The following MACROD2 variants were observed in gnomAD, a reference collection of about 807,000 sequenced individuals.
MACROD2 encodes the protein mono-ADP ribosylhydrolase 2.
MACROD2 carries 36 observed loss-of-function variants against 70.4 expected under a neutral mutation model. The ratio of observed to expected loss-of-function variants is 0.51; its 90% CI spans 0.39 to 0.68. MACROD2 has a LOEUF of 0.68. Ranked by LOEUF, MACROD2 falls within the 30% of genes least tolerant of loss-of-function variation. MACROD2 has a pLI of 0.00. For synonymous variants in MACROD2, 172 were observed against 178.8 expected, an observed-to-expected ratio of 0.96 and a Z score of 0.30; for missense variants, 496 against 538.4, an observed-to-expected ratio of 0.92 and a Z score of 0.78.
intron 5 of MACROD2, among the ~76,000 whole-genome samples, chr20:15,005,034 T>A (rs2075025022): frequency 6.6e-6 from 1 of 152,220 alleles, no homozygotes; most frequent in Non-Finnish European, 1.5e-5. Flanking sequence ...AATGTATTCA[T>A]TAGTGATAAC....
intron 4 of MACROD2, among the ~76,000 whole-genome samples, chr20:14,632,375 A>G (rs1984561197): frequency 6.6e-6 from 1 of 152,176 alleles, no homozygotes; most frequent in South Asian, 2.1e-4. Context: ...CTTTGGTTAT[A>G]TGATTGGATA....
chr20:15,654,054 C>A (rs541811997), intron 8 of MACROD2, among the ~76,000 whole-genome samples: 1 of 152,104 alleles, frequency 6.6e-6, no homozygotes, highest in South Asian at 2.1e-4. Flanking sequence ...GGTTACCTTG[C>A]GCTTTTCATG....
intron 3 of MACROD2, among the ~76,000 whole-genome samples, chr20:14,110,173 A>T (rs987714052): frequency 1.3e-5 from 2 of 151,948 alleles, no homozygotes; most frequent in Non-Finnish European, 2.9e-5. Flanking sequence ...ATAAAATTCA[A>T]TATTCCTTCA....
intron 6 of MACROD2, among the ~76,000 whole-genome samples, chr20:15,234,010 T>TATATATATATATATATATATA (rs1299319044): frequency 1.4e-4 from 6 of 42,492 alleles, no homozygotes; most frequent in South Asian, 9.7e-4. Flanking sequence ...TATATATATA[T>TATATATATATATATATATATA]TCTTTTTTTT....
At chr20:15,238,788 C>T (rs2077035901) in intron 6 of MACROD2, among the ~76,000 whole-genome samples, 1 of 152,090 alleles carries the variant, frequency 6.6e-6, no homozygotes, top group Non-Finnish European at 1.5e-5. Context: ...CTCAATTTGG[C>T]TGGATTTGTC....
At chr20:15,837,917 T>C (rs1368774018) in intron 8 of MACROD2, among the ~76,000 whole-genome samples, 1 of 152,168 alleles carries the variant, frequency 6.6e-6, no homozygotes, top group Non-Finnish European at 1.5e-5. Context: ...CATCATCAAT[T>C]GAAAATAATC....
chr20:14,694,614 T>C (rs2071100730), intron 5 of MACROD2, among the ~76,000 whole-genome samples: 1 of 152,214 alleles, frequency 6.6e-6, no homozygotes, highest in Non-Finnish European at 1.5e-5. Flanking sequence ...TGCAAGTAAT[T>C]TTAGATGAGT....
At chr20:15,859,450 A>G (rs990123515) in intron 8 of MACROD2, among the ~76,000 whole-genome samples, 4 of 152,212 alleles carry the variant, frequency 2.6e-5, no homozygotes, top group Non-Finnish European at 2.9e-5. Flanking sequence ...TGGAAAGCGC[A>G]TCGCATGCCA....
chr20:14,957,716 C>T (rs2074549412), intron 5 of MACROD2, among the ~76,000 whole-genome samples: 1 of 152,028 alleles, frequency 6.6e-6, no homozygotes, highest in African/African-American at 2.4e-5. Flanking sequence ...TGGGACAGAA[C>T]CAGTGTGTAG....
intron 5 of MACROD2, among the ~76,000 whole-genome samples, chr20:15,120,405 G>A (rs2076021794): frequency 6.6e-6 from 1 of 152,070 alleles, no homozygotes. Flanking sequence ...AAAACCAACA[G>A]ACTGAACAAA....
chr20:15,002,951 C>T lies in MACROD2; in HGVS notation c.419-226989C>T, dbSNP rs117845876. 2.3e-3 allele frequency among the ~76,000 whole-genome samples: 348 copies of T among 152,260 alleles called. 6 individuals carry two copies. In the East Asian group the frequency reaches 0.056, roughly 24 times the overall value. ...TAGAAAGTAACAAACACACATTTTACAGCATGTGTCTGTACAGTGTGTGTT... is the reference window on the plus strand; with the variant it reads ...TAGAAAGTAACAAACACACATTTTATAGCATGTGTCTGTACAGTGTGTGTT... On this transcript the variant is annotated intron_variant, in intron 5 of 17. Transcript: ENST00000684519.
chr20:14,060,665 CA>C (rs753162138), intron 2 of MACROD2, among the ~76,000 whole-genome samples: 28 of 152,244 alleles, frequency 1.8e-4, no homozygotes, highest in Middle Eastern at 6.8e-3. Context: ...TTTTTGTTAA[CA>C]GTTTCAGTGC....
chr20:15,964,982 C>A lies in MACROD2; in HGVS notation c.908-2571C>A, dbSNP rs1052153419. Among the ~76,000 whole-genome samples the A allele has an allele frequency of 3.3e-5, 5 of 152,264 alleles. No homozygotes were observed. The East Asian group carries it at 9.6e-4, about 29-fold the overall frequency. ...GTGGTGGGTCGTGCTGATATGACATCCTTGTCATCACATAAAGACATGTAT... is the reference window on the plus strand; with the variant it reads ...GTGGTGGGTCGTGCTGATATGACATACTTGTCATCACATAAAGACATGTAT... On this transcript the variant is annotated intron_variant, in intron 12 of 17. Transcript: ENST00000684519.
intron 8 of MACROD2, among the ~76,000 whole-genome samples, chr20:15,709,960 T>C (rs1301858360): frequency 6.6e-6 from 1 of 152,130 alleles, no homozygotes; most frequent in Non-Finnish European, 1.5e-5. Context: ...ATTCTCAGCC[T>C]CTAGTAACCA....
chr20:14,470,853 G>T (rs1222876805), intron 3 of MACROD2, among the ~76,000 whole-genome samples: 1 of 152,202 alleles, frequency 6.6e-6, no homozygotes, highest in East Asian at 1.9e-4. Context: ...ATCTTAGCTT[G>T]CTGGGCTCTG....
intron 3 of MACROD2, among the ~76,000 whole-genome samples, chr20:14,305,729 A>T (rs1045040493): frequency 6.6e-6 from 1 of 152,200 alleles, no homozygotes; most frequent in African/African-American, 2.4e-5. Flanking sequence ...TGTCTAATGA[A>T]AATTCTTTAA....
chr20:15,924,687 C>T (rs555328012), intron 10 of MACROD2, among the ~76,000 whole-genome samples: 53 of 152,036 alleles, frequency 3.5e-4, no homozygotes, highest in Non-Finnish European at 6.8e-4. Context: ...ACTCAACAAA[C>T]ATTAATTGAT....
chr20:14,711,062 C>T (rs2071332920), intron 5 of MACROD2, among the ~76,000 whole-genome samples: 1 of 152,154 alleles, frequency 6.6e-6, no homozygotes, highest in Non-Finnish European at 1.5e-5. Context: ...TCATTTTTAT[C>T]TTTTCCTGAA....
At chr20:15,299,764 T>C (rs2077624593) in intron 6 of MACROD2, among the ~76,000 whole-genome samples, 1 of 152,178 alleles carries the variant, frequency 6.6e-6, no homozygotes, top group South Asian at 2.1e-4. Flanking sequence ...AAAGCAAAAG[T>C]AGCAGGACCC....
Sources: allele counts gnomAD v4.1 joint callset (sites outside exome capture counted in the v4.1 genomes callset), GRCh38; gene constraint gnomAD v4.1.1; transcripts MANE v1.5; gene names NCBI Gene and HGNC (gene_info 2026-07-23, HGNC 2026-07-21).